Variants in AHNAK observed in about 807,000 individuals in gnomAD.
AHNAK encodes the protein neuroblast differentiation-associated protein AHNAK.
A neutral mutation model predicts 37.8 loss-of-function variants in AHNAK; 23 were observed. That is an observed-to-expected ratio of 0.61 (90% confidence interval 0.44 to 0.86). The LOEUF is 0.86. Ranked by LOEUF, AHNAK falls within the 40% of genes least tolerant of loss-of-function variation. The probability of loss-of-function intolerance (pLI) is 0.00; values close to 1 mark genes in which losing one functional copy is unlikely to be tolerated. For missense variants in AHNAK, 7,411 were observed against 7,319.4 expected, an observed-to-expected ratio of 1.01 and a Z score of -0.46; for synonymous variants, 2,481 against 2,636.3, an observed-to-expected ratio of 0.94 and a Z score of 1.80.
At chr11:62,499,817 GGAA>G (rs1939682749) in intron 4 of AHNAK, among the ~76,000 whole-genome samples, 1 of 152,250 alleles carries the variant, frequency 6.6e-6, no homozygotes, top group South Asian at 2.1e-4. Flanking sequence ...GTAAGTGGAA[GGAA>G]GTCCATGTAA....
intron 4 of AHNAK, among the ~76,000 whole-genome samples, chr11:62,505,686 G>C (rs1434018642): frequency 6.6e-6 from 1 of 151,374 alleles, no homozygotes; most frequent in Non-Finnish European, 1.5e-5. Context: ...ATTGCAAGCC[G>C]CCGCCCTTCC....
At chr11:62,466,947 C>G (rs576033066) in intron 5 of AHNAK, among the ~76,000 whole-genome samples, 1 of 152,296 alleles carries the variant, frequency 6.6e-6, no homozygotes, top group Admixed American at 6.5e-5. Context: ...TTTGTATACT[C>G]ATTATGATCC....
chr11:62,508,361 C>A (rs1042328944), intron 4 of AHNAK, among the ~76,000 whole-genome samples: 2 of 152,178 alleles, frequency 1.3e-5, no homozygotes, highest in Non-Finnish European at 2.9e-5. Context: ...CTTTTCCGAG[C>A]CTCACCTTTC....
intron 4 of AHNAK, chr11:62,491,938 T>TACC (rs113165217): frequency 5.2e-6 from 5 of 964,482 alleles, no homozygotes; most frequent in African/African-American, 4.9e-5. Context: ...ACCCCACGTT[T>TACC]ACCACTACCA....
chr11:62,483,910 G>C (rs533145178), intron 5 of AHNAK, among the ~76,000 whole-genome samples: 2 of 146,634 alleles, frequency 1.4e-5, no homozygotes, highest in East Asian at 4.0e-4. Context: ...GGTGGCGGGC[G>C]CCTGTAGTCC....
In AHNAK at chr11:62,530,998, T is replaced by C. The variant is rs1354669296; in HGVS notation, c.3419A>G (p.Lys1140Arg). Reference sequence around the variant, plus strand: ...CACATCCACTTCTGGGCCCTCGCCTTTGAGGCTGGGCATGCTGAACTTGGG... The same window carrying C: ...CACATCCACTTCTGGGCCCTCGCCTCTGAGGCTGGGCATGCTGAACTTGGG... ...KMPKFSMPSL[K>R]GEGPEVDVNL... The change falls in exon 5 of 5, where the codon AAA (lysine) becomes AGA (arginine). Residue 1140 changes from lysine to arginine, a missense_variant. Physicochemically the swap from Lys to Arg is conservative, Grantham distance 26. Transcript: ENST00000378024. The C allele has an allele frequency of 1.2e-6, 2 of 1,614,186 alleles. No homozygotes were observed. The highest frequency in any genetic ancestry group is 2.2e-5 in the South Asian group (2 of 91,086).
rs1203383361 is a variant in AHNAK at position 62,534,941 on chromosome 11, G to A, written c.342+62C>T. ...GAGGCACATGGAAGGCTCAGGAGTGGGGTCAGCAGGCCGGCATGGCCGGGG... is the reference window on the plus strand; with the variant it reads ...GAGGCACATGGAAGGCTCAGGAGTGAGGTCAGCAGGCCGGCATGGCCGGGG... On this transcript the variant is annotated intron_variant, in intron 4 of 4. Coordinates refer to ENST00000378024, the MANE Select transcript of AHNAK (RefSeq NM_001620.3). 11 of 1,552,834 alleles carry A rather than the reference G, an allele frequency of 7.1e-6. No individual in the cohort carries two copies. The East Asian group carries it at 2.3e-4, about 32-fold the overall frequency.
At chr11:62,493,591 C>T (rs936969693) in intron 4 of AHNAK, among the ~76,000 whole-genome samples, 3 of 152,040 alleles carry the variant, frequency 2.0e-5, no homozygotes, top group African/African-American at 4.8e-5. Context: ...ACCTCGGCCT[C>T]CCAAAGTGCT....
intron 5 of AHNAK, among the ~76,000 whole-genome samples, chr11:62,468,138 C>T (rs1398949288): frequency 2.0e-5 from 3 of 152,104 alleles, no homozygotes; most frequent in Non-Finnish European, 4.4e-5. Context: ...CACTTGAGGT[C>T]AGGAGTTTGA....
chr11:62,523,922 G>A lies in AHNAK; in HGVS notation c.10495C>T (p.Pro3499Ser). The change falls in exon 5 of 5, where the codon CCA (proline) becomes TCA (serine). Residue 3499 changes from proline (P) to serine (S), a missense_variant. Physicochemically the swap from Pro to Ser is moderately conservative, Grantham distance 74. Coordinates refer to ENST00000378024, the MANE Select transcript of AHNAK (RefSeq NM_001620.3). ...CCCTCTATGTTGATGTCTCCTTTTG[G>A]TAGATCCACAGCTACATCTGGCCCT... The part of the protein sequence containing the change: ...AEGPDVAVDL[P>S]KGDINIEGPS... The A allele has an allele frequency of 1.2e-6, 2 of 1,613,928 alleles. No homozygotes were observed. The highest frequency in any genetic ancestry group is 1.7e-6 in the Non-Finnish European group (2 of 1,179,990).
intron 5 of AHNAK, among the ~76,000 whole-genome samples, chr11:62,446,175 A>C (rs1938419387): frequency 6.6e-6 from 1 of 152,110 alleles, no homozygotes; most frequent in Non-Finnish European, 1.5e-5. Flanking sequence ...AGGGAGAAGA[A>C]GAGCTGCCAA....
At chr11:62,505,183 C>T (rs1939786945) in intron 4 of AHNAK, among the ~76,000 whole-genome samples, 1 of 152,106 alleles carries the variant, frequency 6.6e-6, no homozygotes, top group Non-Finnish European at 1.5e-5. Flanking sequence ...AGCTTCCCGA[C>T]AGCCCCCCAG....
chr11:62,477,167 C>G (rs1422188458), intron 5 of AHNAK, among the ~76,000 whole-genome samples: 2 of 152,170 alleles, frequency 1.3e-5, no homozygotes, highest in Non-Finnish European at 2.9e-5. Flanking sequence ...GCAGAAAATG[C>G]TTTCTAAGAG....
intron 4 of AHNAK, among the ~76,000 whole-genome samples, chr11:62,500,456 GCTACAGAACA>G (rs1939691849): frequency 6.6e-6 from 1 of 152,178 alleles, no homozygotes; most frequent in Non-Finnish European, 1.5e-5. Context: ...AGTCATGTGT[GCTACAGAACA>G]CTACCTTCGT....
chr11:62,458,349 G>A (rs1320286491), intron 5 of AHNAK, among the ~76,000 whole-genome samples: 1 of 151,990 alleles, frequency 6.6e-6, no homozygotes, highest in Non-Finnish European at 1.5e-5. Flanking sequence ...CAGAGCTTCA[G>A]TGGGCCTTAG....
At chr11:62,538,157 C>G (rs1464524667) in intron 1 of AHNAK, among the ~76,000 whole-genome samples, 1 of 152,108 alleles carries the variant, frequency 6.6e-6, no homozygotes. Flanking sequence ...GCCTCACCAG[C>G]TGGCAGCTCT....
Position 62,458,046 on chromosome 11 carries a change from T to G in AHNAK, c.443-24155A>C, listed in dbSNP as rs1165375669. Among the ~76,000 whole-genome samples, 3 of 151,708 alleles carry G rather than the reference T, an allele frequency of 2.0e-5. No homozygotes were observed. In the East Asian group the frequency reaches 5.8e-4, roughly 30 times the overall value. ...CTCCTGCCTCAGCCTCCCGAGTAGCTGGGATTACAGGTGCCCGGCAACATG... is the reference window on the plus strand; with the variant it reads ...CTCCTGCCTCAGCCTCCCGAGTAGCGGGGATTACAGGTGCCCGGCAACATG... On this transcript the variant is annotated intron_variant, in intron 5 of 5. Coordinates refer to the AHNAK transcript ENST00000257247.
In AHNAK at chr11:62,516,883, G is replaced by A. The variant is rs1389375312; in HGVS notation, c.17534C>T (p.Thr5845Ile). 1.2e-6 allele frequency: 2 copies of A among 1,614,164 alleles called. No individual in the cohort carries two copies. Among genetic ancestry groups the A allele is most frequent in the African/African-American group, 1.3e-5 (1 of 75,040 alleles). Residue 5845 changes from threonine to isoleucine, a missense_variant, in exon 5 of 5, where the codon ACA (threonine) becomes ATA (isoleucine). Thr to Ile is a moderately conservative substitution (Grantham distance 89). Coordinates refer to ENST00000378024, the MANE Select transcript of AHNAK (RefSeq NM_001620.3). ...HYEVTGSDDE[T>I]GKLQGSGVSL... ...CACCCCACTCCCCTGTAACTTGCCT[G>A]TCTCATCATCGCTCCCAGTCACCTC... is the stretch of plus-strand genomic sequence containing the variant.
Position 62,528,644 on chromosome 11 carries a change from G to A in AHNAK, c.5773C>T (p.Pro1925Ser), listed in dbSNP as rs1940603170. The A allele has an allele frequency of 6.2e-7, 1 of 1,609,492 alleles. No individual in the cohort carries two copies. Among genetic ancestry groups the A allele is most frequent in the Non-Finnish European group, 8.5e-7 (1 of 1,179,136 alleles). ...CCTTTCAAGTGTAAGTCCACATCAG[G>A]CATGGAGATCTTGGGGGCCTTGAAG... ...MHFKAPKISM[P>S]DVDLHLKGPK... The change falls in exon 5 of 5, where the codon CCT becomes TCT. Residue 1925 changes from proline (P) to serine (S), a missense_variant. Physicochemically the swap from Pro to Ser is moderately conservative, Grantham distance 74. Transcript: ENST00000378024.
Sources: gnomAD v4.1 joint callset for allele counts (sites outside exome capture counted in the v4.1 genomes callset) on GRCh38, gnomAD v4.1.1 for gene constraint, MANE v1.5 for transcripts, NCBI Gene and HGNC (gene_info 2026-07-23, HGNC 2026-07-21) for gene names.